The following KMT2C variants were observed in gnomAD, a reference collection of about 807,000 sequenced individuals.
KMT2C encodes lysine methyltransferase 2C.
Under a neutral mutation model 507.9 loss-of-function variants are expected in KMT2C, and 88 were observed. The ratio of observed to expected loss-of-function variants is 0.17; its 90% confidence interval spans 0.15 to 0.21. The LOEUF (loss-of-function observed/expected upper bound fraction) is 0.21, where lower values mean the gene tolerates loss of function less well. Ranked by LOEUF, KMT2C falls within the 10% of genes least tolerant of loss-of-function variation. The probability of loss-of-function intolerance (pLI) is 1.00; values close to 1 mark genes in which losing one functional copy is unlikely to be tolerated. For missense variants in KMT2C, 4,954 were observed against 5,957.8 expected (o/e 0.83, Z 5.55); for synonymous variants, 2,049 against 2,080.8 (o/e 0.98, Z 0.42).
intron 1 of KMT2C, among the ~76,000 whole-genome samples, chr7:152,373,176 A>G (rs538542144): frequency 1.2e-4 from 19 of 152,354 alleles, no homozygotes; most frequent in African/African-American, 4.6e-4. Context: ...ATATAAATGC[A>G]GTAAGACTTC....
At chr7:152,389,604 G>A (rs890702086) in intron 1 of KMT2C, among the ~76,000 whole-genome samples, 9 of 151,884 alleles carry the variant, frequency 5.9e-5, no homozygotes, top group African/African-American at 2.2e-4. Flanking sequence ...ACCATACCTG[G>A]CTAAGTTTTA....
intron 6 of KMT2C, among the ~76,000 whole-genome samples, chr7:152,289,502 A>G (rs2096368873): frequency 6.6e-6 from 1 of 152,254 alleles, no homozygotes; most frequent in East Asian, 1.9e-4. Flanking sequence ...ATAAACTGAA[A>G]TAAATGCTTT....
chr7:152,356,233 G>C (rs1026921736), intron 2 of KMT2C, among the ~76,000 whole-genome samples: 4 of 152,146 alleles, frequency 2.6e-5, no homozygotes, highest in Admixed American at 6.5e-5. Context: ...ATGAGAAGGG[G>C]TGTTGGAAGT....
chr7:152,414,648 A>T (rs1286672369), intron 1 of KMT2C, among the ~76,000 whole-genome samples: 1 of 151,682 alleles, frequency 6.6e-6, no homozygotes, highest in Non-Finnish European at 1.5e-5. Context: ...GGCGCCCGGC[A>T]TCATGCCTGG....
chr7:152,308,044 A>G (rs941829769), intron 6 of KMT2C, among the ~76,000 whole-genome samples: 1 of 152,210 alleles, frequency 6.6e-6, no homozygotes, highest in Non-Finnish European at 1.5e-5. Flanking sequence ...AGTCTCTAAG[A>G]ATGTTCAGGC....
Position 152,235,924 on chromosome 7 carries a change from A to T in KMT2C, c.2662T>A (p.Ser888Thr), listed in dbSNP as rs151069596. 597 of 1,611,526 alleles carry T rather than the reference A, an allele frequency of 3.7e-4. No homozygotes were observed. Among genetic ancestry groups the T allele is most frequent in the Non-Finnish European group, 4.8e-4 (564 of 1,179,388 alleles). The change falls in exon 16 of 59, where the codon TCT (serine) becomes ACT (threonine). Residue 888 changes from serine (S) to threonine (T), a missense_variant. Physicochemically the swap from Ser to Thr is moderately conservative, Grantham distance 58 (BLOSUM62 1). This residue lies in a region of KMT2C where 62 missense variants were observed against 137.2 expected (regional missense o/e 0.45). Transcript: ENST00000262189. Reference protein sequence around the residue: ...AIWSIKVGRGSGFPGKRRPRG... With the variant: ...AIWSIKVGRGTGFPGKRRPRG... The stretch of plus-strand genomic sequence containing the variant: ...GGTCTCCGCTTTCCTGGAAATCCAG[A>T]CCCACGGCCCTATGTAACAGATTGG...
Position 152,187,161 on chromosome 7 carries a change from CA to C in KMT2C, c.5008+100del, listed in dbSNP as rs2129124323. 4.5e-6 allele frequency: 4 copies of C among 892,884 alleles called. No homozygotes were observed. In the East Asian group the frequency reaches 7.3e-5, roughly 16 times the overall value. The allele number at this position is 892,884 out of a possible 1,614,324, so 55.3% of individuals were successfully genotyped here. On this transcript the variant is annotated intron_variant, in intron 33 of 58. Transcript: ENST00000262189. ...TCTTCATGTTGTGGGTCATCATAGA[CA>C]AAAATTAGTTAAGCTACCTTTCTAT...
intron 24 of KMT2C, among the ~76,000 whole-genome samples, chr7:152,206,147 T>C (rs1273514844): frequency 6.6e-6 from 1 of 152,184 alleles, no homozygotes; most frequent in Non-Finnish European, 1.5e-5. Context: ...ACAAATAACA[T>C]AAGTGAAGTG....
rs2095665437 is a variant in KMT2C, at chr7:152,256,559, A to G, written c.1300-3844T>C. On this transcript the variant is annotated intron_variant, in intron 9 of 58. Transcript: ENST00000262189. Reference sequence around the variant, plus strand: ...GGGTGATGGAGTGAGACACTGTCTCACACAAATAAGCAAAAAAAACAAGAA... The same window carrying G: ...GGGTGATGGAGTGAGACACTGTCTCGCACAAATAAGCAAAAAAAACAAGAA... Among the ~76,000 whole-genome samples the G allele has an allele frequency of 2.6e-5, 4 of 152,182 alleles. 1 individual carries two copies. The South Asian group carries it at 8.3e-4, about 32-fold the overall frequency.
chr7:152,310,201 G>T, intron 5 of KMT2C, 126 bp from the exon 6 acceptor site: 1 of 643,620 alleles, frequency 1.6e-6, no homozygotes, highest in Non-Finnish European at 2.7e-6. Flanking sequence ...CTGTATTTGT[G>T]ATAGCAGTAA....
chr7:152,207,564 A>G (rs1588205794), intron 23 of KMT2C, 136 bp from the exon 24 acceptor site: 1 of 706,580 alleles, frequency 1.4e-6, no homozygotes, highest in East Asian at 2.9e-5. Flanking sequence ...AAAGTATGAA[A>G]GGAGATAGAA....
chr7:152,264,522 A>G (rs2095831132), intron 8 of KMT2C, among the ~76,000 whole-genome samples: 1 of 152,186 alleles, frequency 6.6e-6, no homozygotes, highest in Non-Finnish European at 1.5e-5. Flanking sequence ...TTTTAGAGAG[A>G]TGCAGATGTA....
intron 23 of KMT2C, among the ~76,000 whole-genome samples, chr7:152,217,728 T>C (rs1437347105): frequency 6.6e-6 from 1 of 150,796 alleles, no homozygotes; most frequent in Non-Finnish European, 1.5e-5. Context: ...AATGAGAAAA[T>C]ATGAAATTGA....
intron 2 of KMT2C, among the ~76,000 whole-genome samples, chr7:152,357,456 C>T (rs977901358): frequency 1.3e-5 from 2 of 152,014 alleles, no homozygotes; most frequent in African/African-American, 4.8e-5. Context: ...CCTGTGAATC[C>T]AGGAGGCAGA....
In KMT2C at chr7:152,146,581, C is replaced by G; in HGVS notation, c.14031+18G>C. On this transcript the variant is annotated intron_variant, in intron 53 of 58. Coordinates refer to ENST00000262189, the MANE Select transcript of KMT2C (RefSeq NM_170606.3). ...CAGGAAAGCAATTCCAATCTCAAAG[C>G]CTGACCAAGACACTCACTGATTCCG... The G allele has an allele frequency of 6.2e-7, 1 of 1,613,432 alleles. No homozygotes were observed. Among genetic ancestry groups the G allele is most frequent in the East Asian group, 2.2e-5 (1 of 44,884 alleles).
At chr7:152,368,897 TTC>T (rs1435096588) in intron 1 of KMT2C, among the ~76,000 whole-genome samples, 1 of 152,214 alleles carries the variant, frequency 6.6e-6, no homozygotes, top group African/African-American at 2.4e-5. Flanking sequence ...CATTTTCTTT[TTC>T]TTTTTTTTAT....
intron 1 of KMT2C, chr7:152,367,410 G>T: frequency 1.4e-6 from 1 of 690,636 alleles, no homozygotes; most frequent in Non-Finnish European, 2.5e-6. Flanking sequence ...GTGAGACAGG[G>T]TCTCGCCTTA....
intron 44 of KMT2C, among the ~76,000 whole-genome samples, chr7:152,158,088 CTT>C (rs990665492): frequency 1.3e-5 from 2 of 152,130 alleles, no homozygotes; most frequent in African/African-American, 4.8e-5. Flanking sequence ...GACTACAGAC[CTT>C]TGAGACTTAA....
chr7:152,146,662 C>A lies in KMT2C; in HGVS notation c.13968G>T (p.Ala4656=). ...KKSEMLQLFP[A]YLKGEDLFGL... ...CAAACAGATCCTCTCCTTTTAAATA[C>A]GCTGGGAAAAGCTGGAGCATTTCAG... is the stretch of plus-strand genomic sequence containing the variant. The change falls in exon 53 of 59, where the codon GCG becomes GCT. Residue 4656 remains alanine, a synonymous_variant. Coordinates refer to ENST00000262189, the MANE Select transcript of KMT2C (RefSeq NM_170606.3). 1.2e-6 allele frequency: 2 copies of A among 1,614,088 alleles called. No individual in the cohort carries two copies. The highest frequency in any genetic ancestry group is 2.2e-5 in the East Asian group (1 of 44,888).
Sources: allele counts gnomAD v4.1 joint callset (sites outside exome capture counted in the v4.1 genomes callset), GRCh38; gene constraint gnomAD v4.1.1; regional missense constraint gnomAD v4.1.1; transcripts MANE v1.5; gene names NCBI Gene and HGNC (gene_info 2026-07-23, HGNC 2026-07-21).